Variants in GRIA1 observed in about 807,000 individuals in gnomAD.
The protein encoded by GRIA1 is glutamate receptor 1.
In GRIA1, 31 loss-of-function variants were observed where a neutral mutation model predicts 99.2. The observed-to-expected ratio is 0.31, with a 90% CI of 0.23 to 0.42. GRIA1 has a LOEUF of 0.42. Ranked by LOEUF, GRIA1 falls within the 10% of genes least tolerant of loss-of-function variation. The pLI is 1.00. For synonymous variants in GRIA1, 438 were observed against 432.4 expected, an observed-to-expected ratio of 1.01 and a Z score of -0.16; for missense variants, 782 against 1,157.5, an observed-to-expected ratio of 0.68 and a Z score of 4.71.
At chr5:153,673,993 A>C (rs773175037) in intron 5 of GRIA1, among the ~76,000 whole-genome samples, 3 of 152,224 alleles carry the variant, frequency 2.0e-5, no homozygotes, top group Non-Finnish European at 2.9e-5. Flanking sequence ...TGGGTAACTC[A>C]TAGGAGCTTG....
intron 1 of GRIA1, among the ~76,000 whole-genome samples, chr5:153,492,656 T>C (rs551934713): frequency 3.9e-5 from 6 of 152,192 alleles, no homozygotes; most frequent in Admixed American, 6.5e-5. Flanking sequence ...TTTGTGTATA[T>C]AGTAAATGGT....
intron 10 of GRIA1, among the ~76,000 whole-genome samples, chr5:153,700,253 C>T (rs752114058): frequency 7.9e-5 from 12 of 152,072 alleles, no homozygotes; most frequent in African/African-American, 2.2e-4. Context: ...CACATGGTGG[C>T]GGGCACCTGT....
chr5:153,566,756 G>T (rs1475232277), intron 2 of GRIA1, among the ~76,000 whole-genome samples: 2 of 112,602 alleles, frequency 1.8e-5, no homozygotes, highest in South Asian at 3.0e-4. Context: ...TGCTCTTGTC[G>T]CCCAGGTTGG....
At chr5:153,786,311 C>A (rs1044673862) in intron 13 of GRIA1, among the ~76,000 whole-genome samples, 1 of 152,112 alleles carries the variant, frequency 6.6e-6, no homozygotes, top group Non-Finnish European at 1.5e-5. Flanking sequence ...CATGACTACA[C>A]TCCTCGGGTG....
intron 11 of GRIA1, among the ~76,000 whole-genome samples, chr5:153,723,468 T>A (rs577908915): frequency 6.6e-6 from 1 of 152,182 alleles, no homozygotes; most frequent in Non-Finnish European, 1.5e-5. Context: ...ACGCAAGGGA[T>A]CAGGGAGTTC....
At chr5:153,494,216 T>C in intron 2 of GRIA1, 151 bp downstream of exon 2, 1 of 720,436 alleles carries the variant, frequency 1.4e-6, no homozygotes, top group Non-Finnish European at 2.3e-6. Context: ...TAGAGGCTTC[T>C]GAGTGATTCC....
intron 2 of GRIA1, among the ~76,000 whole-genome samples, chr5:153,557,567 C>T (rs7723931): frequency 0.47 from 70,944 of 151,958 alleles, 18,289 homozygotes; most frequent in Non-Finnish European, 0.59. Context: ...ACTTTTTTTT[C>T]CTTATATCCC....
At chr5:153,674,114 A>T (rs967788702) in intron 5 of GRIA1, among the ~76,000 whole-genome samples, 1 of 152,250 alleles carries the variant, frequency 6.6e-6, no homozygotes. Flanking sequence ...CTGCATCATC[A>T]TAATAATCAC....
intron 11 of GRIA1, among the ~76,000 whole-genome samples, chr5:153,752,059 T>G (rs1440558896): frequency 1.3e-5 from 2 of 152,188 alleles, no homozygotes; most frequent in South Asian, 4.1e-4. Context: ...TCATCATTGT[T>G]AATCAATAAA....
At chr5:153,630,574 A>T (rs1174170288) in intron 2 of GRIA1, among the ~76,000 whole-genome samples, 1 of 152,176 alleles carries the variant, frequency 6.6e-6, no homozygotes, top group Non-Finnish European at 1.5e-5. Flanking sequence ...CAATGCTTTG[A>T]ACAAGGCAGG....
chr5:153,516,976 G>C (rs572794577), intron 2 of GRIA1, among the ~76,000 whole-genome samples: 2 of 152,174 alleles, frequency 1.3e-5, no homozygotes, highest in Non-Finnish European at 2.9e-5. Flanking sequence ...GGCCTTAATG[G>C]TTGGATCTTA....
At chr5:153,598,759 A>G (rs2149394406) in intron 2 of GRIA1, among the ~76,000 whole-genome samples, 1 of 152,176 alleles carries the variant, frequency 6.6e-6, no homozygotes, top group East Asian at 1.9e-4. Flanking sequence ...CTATCTGTCC[A>G]ATGATACTTT....
chr5:153,720,985 T>C (rs6881133), intron 11 of GRIA1, among the ~76,000 whole-genome samples: 87,787 of 152,028 alleles, frequency 0.58, 26,032 homozygotes, highest in East Asian at 0.94. Context: ...CCACGGGTGA[T>C]GCAGATAGGA....
intron 10 of GRIA1, 41 bp from the exon 11 acceptor site, chr5:153,705,656 A>G: frequency 7.7e-7 from 1 of 1,295,968 alleles, no homozygotes; most frequent in South Asian, 1.6e-5. Flanking sequence ...TGCTGAGCTC[A>G]CCTGCATTTT....
chr5:153,507,701 G>A (rs543269735), intron 2 of GRIA1, among the ~76,000 whole-genome samples: 23 of 152,166 alleles, frequency 1.5e-4, no homozygotes, highest in African/African-American at 5.1e-4. Flanking sequence ...TACAGGTGGC[G>A]GATCAATTTA....
In GRIA1 at chr5:153,537,498, G is replaced by A. The variant is rs187761669; in HGVS notation, c.220+43433G>A. ...GTGCATCTCCTGCTCTCTGTGTCTCGCTGCCTGGGTCCCTTTCTGCGCTGC... is the reference window on the plus strand; with the variant it reads ...GTGCATCTCCTGCTCTCTGTGTCTCACTGCCTGGGTCCCTTTCTGCGCTGC... On this transcript the variant is annotated intron_variant, in intron 2 of 15. Transcript: ENST00000285900. Among the ~76,000 whole-genome samples, 3 of 152,244 alleles carry A rather than the reference G, an allele frequency of 2.0e-5. No homozygotes were observed. In the East Asian group the frequency reaches 5.8e-4, roughly 29 times the overall value.
chr5:153,633,595 C>T (rs1242630411), intron 2 of GRIA1, among the ~76,000 whole-genome samples: 1 of 152,102 alleles, frequency 6.6e-6, no homozygotes, highest in Non-Finnish European at 1.5e-5. Flanking sequence ...GCAGCATGTG[C>T]TCTTGGTTGT....
At chr5:153,503,833 GT>G (rs1449034259) in intron 2 of GRIA1, among the ~76,000 whole-genome samples, 2 of 152,216 alleles carry the variant, frequency 1.3e-5, no homozygotes, top group East Asian at 3.8e-4. Flanking sequence ...TAACTGGATA[GT>G]TTTAACTTCA....
chr5:153,778,188 AGAGAGTGTGT>A (rs1178331650), intron 13 of GRIA1, among the ~76,000 whole-genome samples: 2,349 of 86,190 alleles, frequency 0.027, 57 homozygotes, highest in African/African-American at 0.1. Flanking sequence ...AGAGAGAGAG[AGAGAGTGTGT>A]GTGTGTGTGT....
Sources: allele counts gnomAD v4.1 joint callset (sites outside exome capture counted in the v4.1 genomes callset), GRCh38; gene constraint gnomAD v4.1.1; transcripts MANE v1.5; gene names NCBI Gene and HGNC (gene_info 2026-07-23, HGNC 2026-07-21).